Variants in DLK1 observed in about 807,000 individuals in gnomAD.
DLK1 encodes the protein delta like non-canonical Notch ligand 1.
A neutral mutation model predicts 35.2 loss-of-function variants in DLK1; 9 were observed. The observed-to-expected ratio is 0.26, with a 90% CI of 0.15 to 0.45. The LOEUF (loss-of-function observed/expected upper bound fraction) is 0.45, where lower values mean the gene tolerates loss of function less well. DLK1 is among the 20% of genes least tolerant of loss of function. The probability of loss-of-function intolerance (pLI) is 1.00; values close to 1 mark genes in which losing one functional copy is unlikely to be tolerated. For missense variants in DLK1, 522 were observed against 528.5 expected (o/e 0.99, Z 0.12); for synonymous variants, 231 against 228.4 (o/e 1.01, Z -0.10).
chr14:100,727,284 C>T (rs918510670), intron 1 of DLK1, 149 bp downstream of exon 1: 3 of 844,118 alleles, frequency 3.6e-6, no homozygotes, highest in African/African-American at 1.8e-5. Context: ...CTGTCTCGCC[C>T]TACCCACCAC....
At position 100,735,072 on chromosome 14, in the gene DLK1, TTCTC is replaced by T. The variant is rs897544942; in HGVS notation, c.*182_*185del. On this transcript the variant is annotated 3_prime_UTR_variant, in exon 5 of 5. Coordinates refer to ENST00000341267, the MANE Select transcript of DLK1 (RefSeq NM_003836.7). Reference sequence around the variant, plus strand: ...AAACGCAATGCAAAAACAATCCTCTTTCTCTCTCTTAATGCATGATACAGAATAA... The same window carrying T: ...AAACGCAATGCAAAAACAATCCTCTTTCTCTTAATGCATGATACAGAATAA... The T allele has an allele frequency of 3.0e-5, 21 of 699,914 alleles. No individual in the cohort carries two copies. The highest frequency in any genetic ancestry group is 2.1e-4 in the East Asian group (7 of 34,090). The allele number at this position is 699,914 out of a possible 1,614,324, so 43.4% of individuals were successfully genotyped here.
chr14:100,729,672 T>G (rs552704873), intron 3 of DLK1, among the ~76,000 whole-genome samples: 15 of 152,290 alleles, frequency 9.8e-5, no homozygotes, highest in African/African-American at 3.4e-4. Context: ...TCTGTTGATT[T>G]CATTAATTTA....
chr14:100,732,310 C>T, intron 4 of DLK1, 127 bp downstream of exon 4: 1 of 1,428,028 alleles, frequency 7.0e-7, no homozygotes, highest in Non-Finnish European at 9.4e-7. Context: ...ATCCTGGCAG[C>T]CCCGTAGGGG....
Position 100,736,220 on chromosome 14 carries a change from A to G in DLK1, c.*1324A>G, listed in dbSNP as rs187088815. On this transcript the variant is annotated 3_prime_UTR_variant, in exon 5 of 5. Coordinates refer to ENST00000341267, the MANE Select transcript of DLK1 (RefSeq NM_003836.7). ...ATCTATCTTTTTTGCAAAAATAGAAAGAAATGGGACAGAGCTCTGTTTAGC... is the reference window on the plus strand; with the variant it reads ...ATCTATCTTTTTTGCAAAAATAGAAGGAAATGGGACAGAGCTCTGTTTAGC... The G allele has an allele frequency of 5.8e-4, 88 of 152,218 alleles. No homozygotes were observed. The highest frequency in any genetic ancestry group is 1.6e-3 in the African/African-American group (67 of 41,512). 9.4% of individuals were successfully genotyped at this position (152,218 alleles called of 1,614,324 possible). A position where few individuals can be genotyped will look rare whatever the true frequency, so the allele number is the denominator to read the frequency against.
chr14:100,729,108 C>G, intron 3 of DLK1, 42 bp downstream of exon 3: 2 of 1,610,560 alleles, frequency 1.2e-6, no homozygotes, highest in South Asian at 1.1e-5. Flanking sequence ...GCGTCCTTAC[C>G]TGCCTGCCCT....
rs569885044 is a variant in DLK1 at position 100,726,998 on chromosome 14, G to C, written c.-71G>C. 1.9e-4 allele frequency: 277 copies of C among 1,437,270 alleles called. 2 individuals are homozygous for C. In the African/African-American group the frequency reaches 3.8e-3, roughly 20 times the overall value. 89.0% of individuals were successfully genotyped at this position (1,437,270 alleles called of 1,614,324 possible). ...CCCCCTTTCGCGTCCGCAACCAGAA[G>C]CCCAGTGCGGCGCCAGGAGCCGGAC... On this transcript the variant is annotated 5_prime_UTR_variant, in exon 1 of 5. Coordinates refer to ENST00000341267, the MANE Select transcript of DLK1 (RefSeq NM_003836.7). The surrounding 1 kb of genome is among the most constrained non-coding windows in gnomAD (Gnocchi z 4.2).
intron 3 of DLK1, among the ~76,000 whole-genome samples, chr14:100,730,908 C>T (rs891368647): frequency 3.3e-5 from 5 of 152,174 alleles, no homozygotes; most frequent in African/African-American, 1.2e-4. Context: ...GGGTGTGGGT[C>T]TCTCTGAGAG....
intron 4 of DLK1, among the ~76,000 whole-genome samples, chr14:100,733,506 C>T (rs776611165): frequency 5.9e-5 from 9 of 152,146 alleles, no homozygotes; most frequent in African/African-American, 1.9e-4. Context: ...AGACAGACCT[C>T]GTATTGCTTT....
chr14:100,727,245 C>T (rs2036446340), intron 1 of DLK1, 110 bp downstream of exon 1: 20 of 1,136,434 alleles, frequency 1.8e-5, no homozygotes, highest in Non-Finnish European at 2.1e-5. Flanking sequence ...CTCCGCCCGT[C>T]CCGCCTAGCC....
chr14:100,734,362 C>T lies in DLK1; in HGVS notation c.618C>T (p.Ser206=), dbSNP rs767472516. 9 of 1,612,230 alleles carry T rather than the reference C, an allele frequency of 5.6e-6. No individual in the cohort carries two copies. The highest frequency in any genetic ancestry group is 5.0e-5 in the Admixed American group (3 of 59,934). The change falls in exon 5 of 5, where the codon AGC becomes AGT. Residue 206 remains serine (S), a synonymous_variant. Coordinates refer to ENST00000341267, the MANE Select transcript of DLK1 (RefSeq NM_003836.7). This position sits in a 1 kb window ranked among gnomAD's most constrained non-coding sequence, Gnocchi z 7.4. The part of the protein sequence containing the change: ...CPAGFIDKTC[S]RPVTNCASSP... ...CCGGCTTCATCGACAAGACCTGCAGCCGCCCGGTGACCAACTGCGCCAGCA... is the reference window on the plus strand; with the variant it reads ...CCGGCTTCATCGACAAGACCTGCAGTCGCCCGGTGACCAACTGCGCCAGCA...
Position 100,726,967 on chromosome 14 carries a change from C to A in DLK1, c.-102C>A. ...GCCCTGGCTTTCCCCTCGCTGCGCG[C>A]CCGCGCCCCCTTTCGCGTCCGCAAC... On this transcript the variant is annotated 5_prime_UTR_variant, in exon 1 of 5. Transcript: ENST00000341267. This position sits in a 1 kb window ranked among gnomAD's most constrained non-coding sequence, Gnocchi z 4.2. 1.7e-6 allele frequency: 2 copies of A among 1,184,770 alleles called. No individual in the cohort carries two copies. Among genetic ancestry groups the A allele is most frequent in the East Asian group, 3.1e-5 (1 of 32,002 alleles). The allele number at this position is 1,184,770 out of a possible 1,614,324, so 73.4% of individuals were successfully genotyped here. A position where few individuals can be genotyped will look rare whatever the true frequency, so the allele number is the denominator to read the frequency against.
rs770804393 is a variant in DLK1 at position 100,734,514 on chromosome 14, G to A, written c.770G>A (p.Arg257His). The change falls in exon 5 of 5, where the codon CGT (arginine) becomes CAT (histidine). Residue 257 changes from arginine to histidine, a missense_variant. Arg to His is a conservative substitution (Grantham distance 29). Transcript: ENST00000341267. The surrounding 1 kb of genome is among the most constrained non-coding windows in gnomAD (Gnocchi z 7.4). Reference sequence around the variant, plus strand: ...GCGCTGAGCCCCCAGCAGGTCACCCGTCTGCCCAGCGGCTATGGGCTGGCC... The same window carrying A: ...GCGCTGAGCCCCCAGCAGGTCACCCATCTGCCCAGCGGCTATGGGCTGGCC... ...KRALSPQQVT[R>H]LPSGYGLAYR... 39 of 1,611,306 alleles carry A rather than the reference G, an allele frequency of 2.4e-5. No individual in the cohort carries two copies. The highest frequency in any genetic ancestry group is 2.7e-5 in the Non-Finnish European group (32 of 1,178,734).
Position 100,734,979 on chromosome 14 carries a change from C to T in DLK1, c.*83C>T, listed in dbSNP as rs1001832694. On this transcript the variant is annotated 3_prime_UTR_variant, in exon 5 of 5. Coordinates refer to ENST00000341267, the MANE Select transcript of DLK1 (RefSeq NM_003836.7). The surrounding 1 kb of genome is among the most constrained non-coding windows in gnomAD (Gnocchi z 7.4). ...GGTCTGTCCTAATCTTTGTGGTGTT[C>T]GCTATCTCTTGTGTCAAATCTGGTG... 28 of 1,484,152 alleles carry T rather than the reference C, an allele frequency of 1.9e-5. No homozygotes were observed. The highest frequency in any genetic ancestry group is 1.8e-4 in the Middle Eastern group (1 of 5,576). 91.9% of individuals were successfully genotyped at this position (1,484,152 alleles called of 1,614,324 possible). A position where few individuals can be genotyped will look rare whatever the true frequency, so the allele number is the denominator to read the frequency against.
intron 2 of DLK1, chr14:100,728,731 G>A: frequency 1.3e-6 from 1 of 773,648 alleles, no homozygotes; most frequent in Non-Finnish European, 2.1e-6. Flanking sequence ...GGGATCTCGG[G>A]GCCCCTCCAA....
At position 100,735,244 on chromosome 14, in the gene DLK1, C is replaced by T; in HGVS notation, c.*348C>T. 9.7e-6 allele frequency: 2 copies of T among 207,222 alleles called. No individual in the cohort carries two copies. The highest frequency in any genetic ancestry group is 2.3e-4 in the East Asian group (2 of 8,608). The allele number at this position is 207,222 out of a possible 1,614,324, so 12.8% of individuals were successfully genotyped here. ...GTGCCGACGCCCCTACCCTGGGGGT[C>T]TCGGCCACATGGTCCTCGTGAAACC... On this transcript the variant is annotated 3_prime_UTR_variant, in exon 5 of 5. Coordinates refer to ENST00000341267, the MANE Select transcript of DLK1 (RefSeq NM_003836.7).
chr14:100,732,066 C>T lies in DLK1; in HGVS notation c.287C>T (p.Pro96Leu). The T allele has an allele frequency of 3.7e-6, 6 of 1,613,888 alleles. No homozygotes were observed. The highest frequency in any genetic ancestry group is 5.1e-6 in the Non-Finnish European group (6 of 1,179,846). ...DRDVRACSSA[P>L]CANNRTCVSL... ...GATGTTCGGGCCTGCTCCTCGGCCC[C>T]CTGTGCCAACAACAGGACCTGCGTG... is the stretch of plus-strand genomic sequence containing the variant. Residue 96 changes from proline (P) to leucine (L), a missense_variant, in exon 4 of 5, where the codon CCC becomes CTC. By Grantham distance (98) the Pro-to-Leu change is moderately conservative. Transcript: ENST00000341267.
chr14:100,737,479 C>CGAA lies in DLK1; in HGVS notation c.*2583_*2584insGAA, dbSNP rs1157476847. The stretch of plus-strand genomic sequence containing the variant: ...CGATCTTGATGCTATAGAGAACAGC[C>CGAA]ATGTTCCCCTGATAACAAGAAAAAG... On this transcript the variant is annotated 3_prime_UTR_variant, in exon 5 of 5. Coordinates refer to ENST00000341267, the MANE Select transcript of DLK1 (RefSeq NM_003836.7). 1 of 152,058 alleles carries CGAA rather than the reference C, an allele frequency of 6.6e-6. No individual in the cohort carries two copies. The highest frequency in any genetic ancestry group is 1.5e-5 in the Non-Finnish European group (1 of 68,048). The allele number at this position is 152,058 out of a possible 1,614,324, so 9.4% of individuals were successfully genotyped here. A position where few individuals can be genotyped will look rare whatever the true frequency, so the allele number is the denominator to read the frequency against.
Position 100,727,036 on chromosome 14 carries a change from C to G in DLK1, c.-33C>G. On this transcript the variant is annotated 5_prime_UTR_variant, in exon 1 of 5. Transcript: ENST00000341267. ...CCAGGAGCCGGACCCGCGCCCGCAC[C>G]GCTCCCGGGACCGCGACCCCGGCCG... 1.9e-6 allele frequency: 3 copies of G among 1,546,670 alleles called. No homozygotes were observed. The highest frequency in any genetic ancestry group is 1.2e-5 in the South Asian group (1 of 84,124).
In DLK1 at chr14:100,734,987, CTT is replaced by C. The variant is rs1567022897; in HGVS notation, c.*92_*93del. On this transcript the variant is annotated 3_prime_UTR_variant, in exon 5 of 5. Transcript: ENST00000341267. The surrounding 1 kb of genome is among the most constrained non-coding windows in gnomAD (Gnocchi z 7.4). ...CTAATCTTTGTGGTGTTCGCTATCT[CTT>C]GTGTCAAATCTGGTGAACGCTACGC... The C allele has an allele frequency of 6.8e-7, 1 of 1,476,674 alleles. No individual in the cohort carries two copies. The highest frequency in any genetic ancestry group is 1.4e-5 in the African/African-American group (1 of 71,118). 91.5% of individuals were successfully genotyped at this position (1,476,674 alleles called of 1,614,324 possible).
Sources: allele counts gnomAD v4.1 joint callset (sites outside exome capture counted in the v4.1 genomes callset), GRCh38; gene constraint gnomAD v4.1.1; non-coding constraint Gnocchi (gnomAD v3.1); transcripts MANE v1.5; gene names NCBI Gene and HGNC (gene_info 2026-07-23, HGNC 2026-07-21).